Variants in TGFB2 observed in about 807,000 individuals in gnomAD.
TGFB2 encodes transforming growth factor beta-2 proprotein.
TGFB2 carries 13 observed loss-of-function variants against 42.7 expected under a neutral mutation model. That is an observed-to-expected ratio of 0.30 (90% CI 0.20 to 0.48). The LOEUF is 0.48. Among genes scored for constraint, TGFB2 ranks in the 20% least tolerant of loss-of-function variants. The pLI is 0.99. For synonymous variants in TGFB2, 193 were observed against 193.6 expected, an observed-to-expected ratio of 1.00 and a Z score of 0.03; for missense variants, 390 against 517.5, an observed-to-expected ratio of 0.75 and a Z score of 2.39.
chr1:218,389,603 C>A (rs1391017151), intron 1 of TGFB2, among the ~76,000 whole-genome samples: 1 of 152,128 alleles, frequency 6.6e-6, no homozygotes, highest in Non-Finnish European at 1.5e-5. Flanking sequence ...TGATCAAAAC[C>A]CCTCTGGCCA....
intron 1 of TGFB2, among the ~76,000 whole-genome samples, chr1:218,360,433 T>C (rs1319722187): frequency 2.0e-5 from 3 of 152,200 alleles, no homozygotes; most frequent in Non-Finnish European, 4.4e-5. Context: ...CATAAATTAG[T>C]GAGTGCCTGC....
At chr1:218,393,030 C>T (rs1240106349) in intron 1 of TGFB2, among the ~76,000 whole-genome samples, 1 of 152,190 alleles carries the variant, frequency 6.6e-6, no homozygotes, top group Non-Finnish European at 1.5e-5. Context: ...GAAAATCTCA[C>T]AGTACAAGAC....
rs148168416 is a variant in TGFB2, at chr1:218,434,537, T to C, written c.754+89T>C. The C allele has an allele frequency of 3.6e-6, 3 of 831,752 alleles. No homozygotes were observed. The East Asian group carries it at 7.9e-5, about 22-fold the overall frequency. 51.5% of individuals were successfully genotyped at this position (831,752 alleles called of 1,614,324 possible). ...GATAAAATCAGTTTGCATGTGAAAA[T>C]GAGACTGGTAAGGCCTGGGGAGTTT... On this transcript the variant is annotated intron_variant, in intron 4 of 6. Transcript: ENST00000366930.
chr1:218,388,784 T>C (rs763358077), intron 1 of TGFB2, among the ~76,000 whole-genome samples: 35 of 152,184 alleles, frequency 2.3e-4, no homozygotes, highest in Non-Finnish European at 4.9e-4. Context: ...TAATAACTAT[T>C]CACAATCATA....
At chr1:218,366,003 G>A (rs1165089764) in intron 1 of TGFB2, among the ~76,000 whole-genome samples, 1 of 152,198 alleles carries the variant, frequency 6.6e-6, no homozygotes, top group Non-Finnish European at 1.5e-5. Flanking sequence ...TGCTGCATCA[G>A]CTTTAAATTA....
intron 2 of TGFB2, among the ~76,000 whole-genome samples, chr1:218,417,672 AT>A (rs1361750173): frequency 1.3e-5 from 2 of 152,212 alleles, no homozygotes; most frequent in Non-Finnish European, 2.9e-5. Flanking sequence ...CCCTCCCATC[AT>A]AGGCCTAAAG....
intron 6 of TGFB2, among the ~76,000 whole-genome samples, chr1:218,440,345 C>CTT (rs34196637): frequency 4.8e-5 from 7 of 145,214 alleles, no homozygotes; most frequent in Non-Finnish European, 1.1e-4. Context: ...AAAAAACAGG[C>CTT]TTTTTTTTTT....
intron 1 of TGFB2, among the ~76,000 whole-genome samples, chr1:218,400,410 G>C (rs1238835226): frequency 6.6e-6 from 1 of 152,058 alleles, no homozygotes; most frequent in Non-Finnish European, 1.5e-5. Context: ...GGGGACCTGA[G>C]ACCCTTGCCC....
At chr1:218,378,397 G>C (rs1472583063) in intron 1 of TGFB2, among the ~76,000 whole-genome samples, 1 of 152,114 alleles carries the variant, frequency 6.6e-6, no homozygotes, top group Admixed American at 6.5e-5. Context: ...GGCTGGTTTC[G>C]AAGTCCTGAC....
At chr1:218,364,845 A>G (rs1294155284) in intron 1 of TGFB2, among the ~76,000 whole-genome samples, 1 of 152,188 alleles carries the variant, frequency 6.6e-6, no homozygotes, top group East Asian at 1.9e-4. Context: ...AAGTTTAATC[A>G]TGCCTTTAAA....
chr1:218,385,362 A>T (rs1658098535), intron 1 of TGFB2, among the ~76,000 whole-genome samples: 2 of 152,218 alleles, frequency 1.3e-5, no homozygotes, highest in Non-Finnish European at 2.9e-5. Flanking sequence ...TAACAAAAGG[A>T]CGTGGACATG....
At chr1:218,437,735 A>G (rs1660017344) in intron 6 of TGFB2, among the ~76,000 whole-genome samples, 1 of 152,250 alleles carries the variant, frequency 6.6e-6, no homozygotes, top group Non-Finnish European at 1.5e-5. Context: ...AGGTGAAATC[A>G]GAAAGTGACA....
At chr1:218,428,972 CTTTTTTTTTTTTTT>C (rs34950123) in intron 2 of TGFB2, among the ~76,000 whole-genome samples, 4 of 95,880 alleles carry the variant, frequency 4.2e-5, no homozygotes, top group African/African-American at 1.6e-4. Flanking sequence ...CCATGAGCAT[CTTTTTTTTTTTTTT>C]TTTTTTTTTT....
intron 2 of TGFB2, among the ~76,000 whole-genome samples, chr1:218,419,955 A>G (rs978364004): frequency 5.9e-5 from 9 of 152,216 alleles, no homozygotes; most frequent in African/African-American, 2.2e-4. Flanking sequence ...TGGGCTTGTT[A>G]GTTTATAGTC....
chr1:218,354,821 T>G (rs1269022966), intron 1 of TGFB2, among the ~76,000 whole-genome samples: 1 of 152,242 alleles, frequency 6.6e-6, no homozygotes, highest in Non-Finnish European at 1.5e-5. Context: ...CTGGGTTTTT[T>G]TTTCTTGCCT....
At chr1:218,365,889 G>T (rs1252046599) in intron 1 of TGFB2, among the ~76,000 whole-genome samples, 1 of 152,200 alleles carries the variant, frequency 6.6e-6, no homozygotes, top group Non-Finnish European at 1.5e-5. Context: ...GGGAGCGGCT[G>T]AAGTGAGCGT....
At chr1:218,366,533 A>G (rs1406514805) in intron 1 of TGFB2, among the ~76,000 whole-genome samples, 1 of 152,020 alleles carries the variant, frequency 6.6e-6, no homozygotes, top group Non-Finnish European at 1.5e-5. Flanking sequence ...CTGGGCTCAA[A>G]CTTCTGACCT....
intron 6 of TGFB2, among the ~76,000 whole-genome samples, chr1:218,439,107 C>CAA (rs5781035): frequency 7.7e-5 from 8 of 103,886 alleles, no homozygotes; most frequent in Non-Finnish European, 1.4e-4. Context: ...GATCCTGTCT[C>CAA]AAAAAAAAAA....
intron 1 of TGFB2, among the ~76,000 whole-genome samples, chr1:218,385,081 G>GGTA (rs768810765): frequency 6.6e-6 from 1 of 152,276 alleles, no homozygotes; most frequent in Admixed American, 6.5e-5. Flanking sequence ...CCTGTTAGGA[G>GGTA]GTAGGATCTG....
Sources: gnomAD v4.1 joint callset for allele counts (sites outside exome capture counted in the v4.1 genomes callset) on GRCh38, gnomAD v4.1.1 for gene constraint, MANE v1.5 for transcripts, NCBI Gene and HGNC (gene_info 2026-07-23, HGNC 2026-07-21) for gene names.